The following WDR17 variants were observed in gnomAD, a reference collection of about 807,000 sequenced individuals.
The protein encoded by WDR17 is WD repeat-containing protein 17.
A neutral mutation model predicts 161.7 loss-of-function variants in WDR17; 143 were observed. The observed-to-expected ratio is 0.88, with a 90% confidence interval of 0.77 to 1.02. The LOEUF (loss-of-function observed/expected upper bound fraction) is 1.02, where lower values mean the gene tolerates loss of function less well. Among genes scored for constraint, WDR17 ranks in the 50% least tolerant of loss-of-function variants. WDR17 has a pLI of 0.00. For missense variants in WDR17, 1,469 were observed against 1,520.9 expected, an observed-to-expected ratio of 0.97 and a Z score of 0.57; for synonymous variants, 517 against 515.6, an observed-to-expected ratio of 1.00 and a Z score of -0.04.
intron 1 of WDR17, among the ~76,000 whole-genome samples, chr4:176,092,630 GA>G (rs1427883891): frequency 6.6e-6 from 1 of 152,022 alleles, no homozygotes; most frequent in African/African-American, 2.4e-5. Context: ...TTATATTTAG[GA>G]AAACCTAAAG....
chr4:176,076,237 A>C (rs1269676244), intron 1 of WDR17, among the ~76,000 whole-genome samples: 7 of 49,014 alleles, frequency 1.4e-4, no homozygotes, highest in Non-Finnish European at 3.9e-4. Flanking sequence ...ATATATATAT[A>C]TATATATATA....
At chr4:176,068,425 C>T (rs564230828) in intron 1 of WDR17, 1 of 152,108 alleles carries the variant, frequency 6.6e-6, no homozygotes, top group Admixed American at 6.6e-5. Context: ...CATGGTGAAA[C>T]CCCATGTGTA....
intron 12 of WDR17, 101 bp from the exon 13 acceptor site, chr4:176,148,032 G>T: frequency 1.0e-6 from 1 of 973,190 alleles, no homozygotes; most frequent in Non-Finnish European, 1.4e-6. Context: ...AATGCTTCTA[G>T]ATAAGCTAAC....
chr4:176,125,065 G>T (rs1182793778), intron 4 of WDR17, 39 bp from the exon 5 acceptor site: 2 of 1,601,910 alleles, frequency 1.2e-6, no homozygotes, highest in Non-Finnish European at 8.5e-7. Flanking sequence ...GATCTTTTCT[G>T]CAAGTTTTTT....
At chr4:176,067,205 C>G (rs1366492799) in intron 1 of WDR17, among the ~76,000 whole-genome samples, 2 of 152,144 alleles carry the variant, frequency 1.3e-5, no homozygotes, top group Non-Finnish European at 2.9e-5. Context: ...AGGCAGACGT[C>G]TGAGATAGGT....
At chr4:176,157,851 G>A (rs1216975405) in intron 18 of WDR17, among the ~76,000 whole-genome samples, 1 of 152,154 alleles carries the variant, frequency 6.6e-6, no homozygotes, top group Non-Finnish European at 1.5e-5. Flanking sequence ...AAGGAAACCT[G>A]ACCAAGATTG....
chr4:176,094,835 AATG>A (rs1252678558), intron 1 of WDR17, among the ~76,000 whole-genome samples: 1 of 152,198 alleles, frequency 6.6e-6, no homozygotes, highest in Non-Finnish European at 1.5e-5. Context: ...TCTAGAATAT[AATG>A]ATAGTCATTG....
At chr4:176,134,902 A>T (rs1744145688) in intron 7 of WDR17, among the ~76,000 whole-genome samples, 1 of 151,710 alleles carries the variant, frequency 6.6e-6, no homozygotes, top group Non-Finnish European at 1.5e-5. Context: ...ACTAAAATCT[A>T]GGTCTGTACA....
chr4:176,171,205 G>A (rs1278870508), intron 23 of WDR17, among the ~76,000 whole-genome samples: 2 of 152,100 alleles, frequency 1.3e-5, no homozygotes, highest in Non-Finnish European at 2.9e-5. Context: ...CACATATGAG[G>A]TACTTATATA....
rs181278116 is a variant in WDR17 at position 176,111,411 on chromosome 4, G to A, written c.-6-164G>A. On this transcript the variant is annotated intron_variant, in intron 1 of 28. Coordinates refer to ENST00000508596, the MANE Select transcript of WDR17 (RefSeq NM_181265.4). The stretch of plus-strand genomic sequence containing the variant: ...TTGCCTTGATGTCTGCAGACATTTA[G>A]GGAGTTCAACTGCTGTTCTCTGAAA... The A allele has an allele frequency of 8.1e-3, 4,495 of 556,458 alleles. 18 individuals are homozygous for A. Among genetic ancestry groups the A allele is most frequent in the Middle Eastern group, 0.011 (24 of 2,178 alleles). 34.5% of individuals were successfully genotyped at this position (556,458 alleles called of 1,614,324 possible).
At chr4:176,068,679 G>C (rs1306544740) in intron 1 of WDR17, among the ~76,000 whole-genome samples, 11 of 152,130 alleles carry the variant, frequency 7.2e-5, no homozygotes, top group Non-Finnish European at 1.6e-4. Flanking sequence ...CTTTTCTTTT[G>C]TATCAGAAAC....
In WDR17 at chr4:176,131,738, G is replaced by C. The variant is rs1209202459; in HGVS notation, c.1098G>C (p.Leu366Phe). 1 of 1,607,186 alleles carries C rather than the reference G, an allele frequency of 6.2e-7. No homozygotes were observed. The highest frequency in any genetic ancestry group is 2.2e-5 in the East Asian group (1 of 44,512). ...GAKKWDFLRD[L>F]GHVETIFDCK... ...AGAAGTGGGATTTTCTTAGAGACTTGGTATGTATGTAGTCATTCCTTTATT... is the reference window on the plus strand; with the variant it reads ...AGAAGTGGGATTTTCTTAGAGACTTCGTATGTATGTAGTCATTCCTTTATT... Residue 366 changes from leucine to phenylalanine, a missense_variant and splice_region_variant, in exon 7 of 29, where the codon TTG becomes TTC. Physicochemically the swap from Leu to Phe is conservative, Grantham distance 22. Transcript: ENST00000508596.
rs1372106010 is a variant in WDR17 at position 176,120,011 on chromosome 4, A to G, written c.452A>G (p.Asp151Gly). The change falls in exon 4 of 29, where the codon GAT (aspartate) becomes GGT (glycine). Residue 151 changes from aspartate to glycine, a missense_variant. By Grantham distance (94) the Asp-to-Gly change is moderately conservative. Coordinates refer to ENST00000508596, the MANE Select transcript of WDR17 (RefSeq NM_181265.4). ...AAAGATGCTCATAGCTTCTTGTCTG[A>G]TATCTGTATGTTCAGATGGCATACA... The part of the protein sequence containing the change: ...VHKDAHSFLS[D>G]ICMFRWHTHQ... 1 of 1,614,066 alleles carries G rather than the reference A, an allele frequency of 6.2e-7. No homozygotes were observed. Among genetic ancestry groups the G allele is most frequent in the Non-Finnish European group, 8.5e-7 (1 of 1,180,010 alleles).
chr4:176,088,921 C>T (rs999084565), intron 1 of WDR17, among the ~76,000 whole-genome samples: 1 of 152,058 alleles, frequency 6.6e-6, no homozygotes, highest in Non-Finnish European at 1.5e-5. Context: ...ATTTAAGTTG[C>T]TGTGTCCTGA....
At chr4:176,101,827 TA>T (rs559494145) in intron 1 of WDR17, among the ~76,000 whole-genome samples, 15 of 150,836 alleles carry the variant, frequency 9.9e-5, no homozygotes, top group East Asian at 5.8e-4. Context: ...TATACAATGT[TA>T]AAAAAAAAGA....
intron 1 of WDR17, among the ~76,000 whole-genome samples, chr4:176,080,014 A>G (rs1734537098): frequency 1.3e-5 from 2 of 152,084 alleles, no homozygotes; most frequent in Admixed American, 1.3e-4. Context: ...TGATCTAATC[A>G]ATTTTAAAGG....
intron 8 of WDR17, among the ~76,000 whole-genome samples, chr4:176,136,536 TA>T (rs1199290730): frequency 6.6e-6 from 1 of 151,662 alleles, no homozygotes; most frequent in Non-Finnish European, 1.5e-5. Context: ...ATCAAGAAAG[TA>T]AAAATGTTAG....
At chr4:176,153,887 G>T (rs543301122) in intron 17 of WDR17, among the ~76,000 whole-genome samples, 1 of 152,080 alleles carries the variant, frequency 6.6e-6, no homozygotes, top group East Asian at 1.9e-4. Flanking sequence ...TAATTTAGGA[G>T]CAATGTAAAA....
intron 8 of WDR17, 171 bp downstream of exon 8, chr4:176,135,447 A>T: frequency 2.8e-6 from 2 of 704,870 alleles, no homozygotes; most frequent in Admixed American, 2.9e-5. Context: ...AGAAGAGTCT[A>T]TCTGCAGAGG....
Sources: gnomAD v4.1 joint callset for allele counts (sites outside exome capture counted in the v4.1 genomes callset) on GRCh38, gnomAD v4.1.1 for gene constraint, MANE v1.5 for transcripts, NCBI Gene and HGNC (gene_info 2026-07-23, HGNC 2026-07-21) for gene names.